The following ANKRD26 variants were observed in gnomAD, a reference collection of about 807,000 sequenced individuals.
ANKRD26 encodes ankyrin repeat domain-containing protein 26.
Under a neutral mutation model 208.7 loss-of-function variants are expected in ANKRD26, and 141 were observed. That is an observed-to-expected ratio of 0.68 (90% CI 0.59 to 0.78). The LOEUF (loss-of-function observed/expected upper bound fraction) is 0.78. Ranked by LOEUF, ANKRD26 falls within the 30% of genes least tolerant of loss-of-function variation. The probability of loss-of-function intolerance (pLI) is 0.00; values close to 1 mark genes in which losing one functional copy is unlikely to be tolerated. For synonymous variants in ANKRD26, 636 were observed against 660.4 expected (o/e 0.96, Z 0.57); for missense variants, 1,889 against 1,938.7 (o/e 0.97, Z 0.48).
chr10:26,957,044 T>C, the ANKRD26 span, among the ~76,000 whole-genome samples: 1 of 152,226 alleles, frequency 6.6e-6, no homozygotes, highest in Non-Finnish European at 1.5e-5. Context: ...GGGTTATTGC[T>C]AGAGAACTCA....
chr10:26,978,380 C>CG (rs1232838626), intron 5 of ANKRD26, among the ~76,000 whole-genome samples: 2 of 151,998 alleles, frequency 1.3e-5, no homozygotes, highest in Non-Finnish European at 2.9e-5. Flanking sequence ...CGTTTGAACC[C>CG]GGGAGGCAGA....
intron 9 of ANKRD26, among the ~76,000 whole-genome samples, chr10:27,075,452 T>A (rs887653444): frequency 6.6e-6 from 1 of 152,152 alleles, no homozygotes; most frequent in African/African-American, 2.4e-5. Context: ...TATTCCTATA[T>A]CAGATAAAAC....
intron 25 of ANKRD26, among the ~76,000 whole-genome samples, chr10:27,031,999 C>T (rs928575523): frequency 6.6e-5 from 10 of 152,062 alleles, no homozygotes; most frequent in Admixed American, 4.6e-4. Context: ...AGAAATAAGA[C>T]AATTTTCTGG....
At chr10:27,013,588 CA>C (rs2053190406) in intron 31 of ANKRD26, among the ~76,000 whole-genome samples, 1 of 152,026 alleles carries the variant, frequency 6.6e-6, no homozygotes, top group Non-Finnish European at 1.5e-5. Context: ...AAACTAATAA[CA>C]AAGGAAAAAG....
At chr10:27,072,123 C>A (rs1227376196) in intron 9 of ANKRD26, among the ~76,000 whole-genome samples, 3 of 152,152 alleles carry the variant, frequency 2.0e-5, no homozygotes, top group African/African-American at 7.2e-5. Context: ...GTTCCACAGG[C>A]GGATCAGGAG....
At position 27,021,861 on chromosome 10, in the gene ANKRD26, T is replaced by C. The variant is rs536147014; in HGVS notation, c.4215+697A>G. ...TATGTCTTCTTTTGAGAAATGTCTA[T>C]TCATCTCCTTTGCCCACTTTTTAAT... On this transcript the variant is annotated intron_variant, in intron 29 of 33. Transcript: ENST00000376087. 9.9e-5 allele frequency among the ~76,000 whole-genome samples: 15 copies of C among 152,226 alleles called. No homozygotes were observed. The South Asian group carries it at 2.7e-3, about 27-fold the overall frequency.
the ANKRD26 span, among the ~76,000 whole-genome samples, chr10:26,964,601 A>G: frequency 1.3e-5 from 2 of 152,310 alleles, no homozygotes; most frequent in Non-Finnish European, 2.9e-5. Context: ...ATCTCATCAG[A>G]GATTACCTCT....
At chr10:27,007,290 TA>T (rs2134814370) in intron 32 of ANKRD26, among the ~76,000 whole-genome samples, 1 of 152,352 alleles carries the variant, frequency 6.6e-6, no homozygotes, top group South Asian at 2.1e-4. Flanking sequence ...CATTACTTTG[TA>T]ATTCTTAGCA....
intron 9 of ANKRD26, among the ~76,000 whole-genome samples, chr10:27,070,669 A>AT (rs58198134): frequency 1.1e-3 from 163 of 145,454 alleles, no homozygotes; most frequent in Non-Finnish European, 1.4e-3. Context: ...TCTTCTAGAG[A>AT]TTTTTTTTTT....
chr10:27,088,434 C>G (rs7086946), intron 4 of ANKRD26: 1 of 152,182 alleles, frequency 6.6e-6, no homozygotes, highest in East Asian at 1.9e-4. Flanking sequence ...GCACAAAACC[C>G]GACTTTTATA....
At chr10:26,973,459 T>C (rs1029379301), downstream of ANKRD26, among the ~76,000 whole-genome samples, 1 of 151,554 alleles carries the variant, frequency 6.6e-6, no homozygotes, top group Non-Finnish European at 1.5e-5. Flanking sequence ...ATCTTTCCTT[T>C]TTTTTTTTAC....
intron 6 of ANKRD26, chr10:27,080,667 G>T (rs777396476): frequency 1.2e-4 from 123 of 985,294 alleles, no homozygotes; most frequent in Non-Finnish European, 1.4e-4. Context: ...CTTCTGCAGG[G>T]CTCCATAGCA....
chr10:27,089,825 A>G (rs907621112), intron 4 of ANKRD26, among the ~76,000 whole-genome samples: 1 of 152,152 alleles, frequency 6.6e-6, no homozygotes, highest in Admixed American at 6.6e-5. Context: ...TCCTACATGC[A>G]TTGCTGCTTC....
Position 27,035,410 on chromosome 10 carries a change from C to A in ANKRD26, c.3040G>T (p.Ala1014Ser), listed in dbSNP as rs780307969. The stretch of plus-strand genomic sequence containing the variant: ...TGATCACGATCATGTATAGCAGCAG[C>A]CAATCTAGAATGGTATGATTCAACT... ...AEVESYHSRL[A>S]AAIHDRDQSE... is the part of the protein sequence containing the mutation. Residue 1014 changes from alanine to serine, a missense_variant, in exon 24 of 34, where the codon GCT (alanine) becomes TCT (serine). Physicochemically the swap from Ala to Ser is moderately conservative, Grantham distance 99. This residue lies in a region of ANKRD26 where 1,272 missense variants were observed against 1,273.8 expected (regional missense o/e 1.00). Coordinates refer to ENST00000376087, the MANE Select transcript of ANKRD26 (RefSeq NM_014915.3). 5.0e-6 allele frequency: 8 copies of A among 1,613,832 alleles called. No homozygotes were observed. The highest frequency in any genetic ancestry group is 6.8e-6 in the Non-Finnish European group (8 of 1,179,934).
intron 16 of ANKRD26, among the ~76,000 whole-genome samples, chr10:27,050,065 CA>C (rs1412607473): frequency 2.0e-5 from 3 of 150,932 alleles, no homozygotes; most frequent in Non-Finnish European, 3.0e-5. Flanking sequence ...TACTAAAATA[CA>C]AAAATTAGCC....
At chr10:26,955,904 C>T in the ANKRD26 span, among the ~76,000 whole-genome samples, 86 of 152,272 alleles carry the variant, frequency 5.6e-4, no homozygotes, top group African/African-American at 2.0e-3. Context: ...AAGAGTACGT[C>T]TTGTAGCAGT....
chr10:27,087,460 C>G lies in ANKRD26; in HGVS notation c.639-851G>C, dbSNP rs186261056. ...ATGTTTCTCCAAAGGTTCTAATATT[C>G]AAATGTTGCCATTTTCAGAAAATGT... On this transcript the variant is annotated intron_variant, in intron 4 of 33. Transcript: ENST00000376087. 6.8e-4 allele frequency among the ~76,000 whole-genome samples: 103 copies of G among 152,304 alleles called. No homozygotes were observed. In the Middle Eastern group the frequency reaches 0.017, roughly 25 times the overall value.
intron 3 of ANKRD26, among the ~76,000 whole-genome samples, chr10:26,983,000 T>C (rs953431278): frequency 2.0e-5 from 3 of 152,228 alleles, no homozygotes; most frequent in African/African-American, 7.2e-5. Context: ...TGTCATTTGA[T>C]TCCTCTAAGA....
At chr10:26,976,808 C>A (rs1322313335) in intron 5 of ANKRD26, among the ~76,000 whole-genome samples, 1 of 152,198 alleles carries the variant, frequency 6.6e-6, no homozygotes, top group African/African-American at 2.4e-5. Context: ...GTCCCCCACA[C>A]TCCTTCCAAG....
Sources: gnomAD v4.1 joint callset for allele counts (sites outside exome capture counted in the v4.1 genomes callset) on GRCh38, gnomAD v4.1.1 for gene constraint, gnomAD v4.1.1 regional missense constraint, MANE v1.5 for transcripts, NCBI Gene and HGNC (gene_info 2026-07-23, HGNC 2026-07-21) for gene names.